DDX60: variants seen among roughly 807,000 people sequenced by gnomAD.
DDX60 encodes DExD/H-box helicase 60.
DDX60 carries 165 observed loss-of-function variants against 212.8 expected under a neutral mutation model. The observed-to-expected ratio is 0.78, with a 90% CI of 0.68 to 0.88. DDX60 has a LOEUF of 0.88. DDX60 is among the 40% of genes least tolerant of loss of function. DDX60 has a pLI of 0.00. For synonymous variants in DDX60, 703 were observed against 685.3 expected (o/e 1.03, Z -0.40); for missense variants, 1,905 against 2,003.9 (o/e 0.95, Z 0.94).
At chr4:168,306,894 A>G (rs1213563780) in intron 4 of DDX60, among the ~76,000 whole-genome samples, 174 bp from the exon 5 acceptor site, 1 of 152,244 alleles carries the variant, frequency 6.6e-6, no homozygotes, top group Non-Finnish European at 1.5e-5. Context: ...TTGCTGAAAA[A>G]AATCACAGTT....
chr4:168,312,950 C>T (rs1013121839), intron 1 of DDX60, among the ~76,000 whole-genome samples: 1 of 152,178 alleles, frequency 6.6e-6, no homozygotes, highest in Non-Finnish European at 1.5e-5. Context: ...TGGTCTCTCA[C>T]TCACTCAGTT....
chr4:168,280,199 A>T, intron 14 of DDX60, 136 bp downstream of exon 14: 1 of 1,151,112 alleles, frequency 8.7e-7, no homozygotes, highest in South Asian at 1.6e-5. Flanking sequence ...AAACTATTGT[A>T]AAGGTAATAA....
chr4:168,270,842 T>TTAA (rs1276484120), intron 19 of DDX60, among the ~76,000 whole-genome samples: 2 of 151,730 alleles, frequency 1.3e-5, no homozygotes, highest in African/African-American at 4.8e-5. Flanking sequence ...TAAATCTCTT[T>TTAA]TAATAAATAT....
intron 30 of DDX60, among the ~76,000 whole-genome samples, chr4:168,244,443 G>A (rs1469933724): frequency 6.6e-6 from 1 of 152,008 alleles, no homozygotes; most frequent in African/African-American, 2.4e-5. Context: ...AAGAATTTCA[G>A]GGGCCAGGTG....
chr4:168,320,728 C>G (rs1737586151), upstream of DDX60, among the ~76,000 whole-genome samples: 1 of 152,166 alleles, frequency 6.6e-6, no homozygotes, highest in African/African-American at 2.4e-5. Flanking sequence ...ATTCAGACAG[C>G]TACTATGTGC....
Position 168,283,504 on chromosome 4 carries a change from A to C in DDX60, c.1664T>G (p.Val555Gly), listed in dbSNP as rs775189378. The C allele has an allele frequency of 6.2e-7, 1 of 1,613,660 alleles. No individual in the cohort carries two copies. The highest frequency in any genetic ancestry group is 1.1e-5 in the South Asian group (1 of 91,064). The part of the protein sequence containing the change: ...SLETVSSKII[V>G]TQTIKSKKDF... ...CTTCTTTGACTTAATAGTTTGAGTC[A>C]CGATGATTTTCGAAGAGACTGTTTC... Residue 555 changes from valine (V) to glycine (G), a missense_variant, in exon 13 of 38, where the codon GTG becomes GGG. By Grantham distance (109) the Val-to-Gly change is moderately radical. Coordinates refer to ENST00000393743, the MANE Select transcript of DDX60 (RefSeq NM_017631.6).
At chr4:168,257,792 T>G (rs931552943) in intron 25 of DDX60, among the ~76,000 whole-genome samples, 1 of 152,154 alleles carries the variant, frequency 6.6e-6, no homozygotes, top group African/African-American at 2.4e-5. Context: ...TAACCCAAGA[T>G]GCACAGCTAT....
upstream of DDX60, among the ~76,000 whole-genome samples, chr4:168,320,770 A>C (rs758810026): frequency 3.9e-5 from 6 of 152,258 alleles, no homozygotes; most frequent in Non-Finnish European, 4.4e-5. Context: ...ATCAATGATC[A>C]CAGCAAGTTC....
intron 25 of DDX60, among the ~76,000 whole-genome samples, chr4:168,259,643 A>G (rs546593475): frequency 6.6e-6 from 1 of 151,076 alleles, no homozygotes; most frequent in South Asian, 2.1e-4. Flanking sequence ...GCCCAAAGTA[A>G]ATAGAGTATT....
At chr4:168,253,038 C>T (rs1338861018) in intron 26 of DDX60, among the ~76,000 whole-genome samples, 2 of 152,080 alleles carry the variant, frequency 1.3e-5, no homozygotes, top group African/African-American at 2.4e-5. Flanking sequence ...CTCCTGACCT[C>T]GTGGTCCACC....
At position 168,280,335 on chromosome 4, in the gene DDX60, C is replaced by A; in HGVS notation, c.1978G>T (p.Gly660Cys). 1 of 1,607,808 alleles carries A rather than the reference C, an allele frequency of 6.2e-7. No homozygotes were observed. Among genetic ancestry groups the A allele is most frequent in the Non-Finnish European group, 8.5e-7 (1 of 1,177,136 alleles). ...GAAATAACAAAACAGAATTACATAC[C>A]TTCTTCACTTCGGCAATGTTCTTTC... is the stretch of plus-strand genomic sequence containing the variant. ...AWKEHCRSEE[G>C]KTTKDLSIAV... The change falls in exon 14 of 38, where the codon GGT (glycine) becomes TGT (cysteine). Residue 660 changes from glycine to cysteine, a missense_variant and splice_region_variant. Physicochemically the swap from Gly to Cys is radical, Grantham distance 159. Coordinates refer to ENST00000393743, the MANE Select transcript of DDX60 (RefSeq NM_017631.6).
intron 23 of DDX60, 101 bp from the exon 24 acceptor site, chr4:168,262,229 C>G: frequency 3.0e-6 from 4 of 1,322,614 alleles, no homozygotes; most frequent in Non-Finnish European, 4.0e-6. Context: ...GTTTCTTGAG[C>G]ACAGAGATGG....
chr4:168,308,135 T>A lies in DDX60; in HGVS notation c.135A>T (p.Ser45=). 6.2e-7 allele frequency: 1 copy of A among 1,603,230 alleles called. No individual in the cohort carries two copies. The highest frequency in any genetic ancestry group is 8.5e-7 in the Non-Finnish European group (1 of 1,173,656). ...TCTCACAGATACATGTGATAAGTAA[T>A]GAATCCCCATCAATCAAAAAAAATT... ...ESEFFLIDGD[S]LLITCICEIS... Residue 45 remains serine (S), a synonymous_variant, in exon 4 of 38, where the codon TCA becomes TCT. Transcript: ENST00000393743.
At chr4:168,283,674 A>G in intron 12 of DDX60, 68 bp from the exon 13 acceptor site, 2 of 1,163,812 alleles carry the variant, frequency 1.7e-6, no homozygotes, top group Non-Finnish European at 2.4e-6. Flanking sequence ...TCAATTCTTC[A>G]TATTATTCCA....
chr4:168,291,680 A>G (rs1298349820), intron 8 of DDX60, 68 bp downstream of exon 8: 2 of 1,413,720 alleles, frequency 1.4e-6, no homozygotes, highest in African/African-American at 2.9e-5. Context: ...GAGAATTTTG[A>G]AAGTTATTGT....
Position 168,291,748 on chromosome 4 carries a change from C to T in DDX60, c.1041G>A (p.Met347Ile). ...WAEDMKPLLQ[M>I]KKWCEYFILR... is the part of the protein sequence containing the mutation. ...GTAAACTAATAAAGAGTACATTTAC[C>T]ATTTGTAATAAAGGCTTCATGTCCT... The change falls in exon 8 of 38, where the codon ATG becomes ATA. Residue 347 changes from methionine (M) to isoleucine (I), a missense_variant and splice_region_variant. Coordinates refer to ENST00000393743, the MANE Select transcript of DDX60 (RefSeq NM_017631.6). 1 of 1,573,480 alleles carries T rather than the reference C, an allele frequency of 6.4e-7. No homozygotes were observed. The highest frequency in any genetic ancestry group is 8.6e-7 in the Non-Finnish European group (1 of 1,165,838).
chr4:168,300,143 G>A (rs1363452591), intron 6 of DDX60, among the ~76,000 whole-genome samples: 1 of 125,810 alleles, frequency 7.9e-6, no homozygotes, highest in African/African-American at 3.5e-5. Flanking sequence ...TCAATACAGG[G>A]AAAATCATTA....
At chr4:168,310,815 T>C (rs1737096477) in intron 3 of DDX60, among the ~76,000 whole-genome samples, 183 bp downstream of exon 3, 1 of 152,166 alleles carries the variant, frequency 6.6e-6, no homozygotes, top group South Asian at 2.1e-4. Context: ...AAAAAATATA[T>C]AAAAATTAAT....
At chr4:168,302,929 T>C (rs1344681532) in intron 5 of DDX60, among the ~76,000 whole-genome samples, 3 of 152,092 alleles carry the variant, frequency 2.0e-5, no homozygotes, top group African/African-American at 7.2e-5. Context: ...ATCCTCAAAT[T>C]GACTAATAAC....
Sources: gnomAD v4.1 joint callset for allele counts (sites outside exome capture counted in the v4.1 genomes callset) on GRCh38, gnomAD v4.1.1 for gene constraint, MANE v1.5 for transcripts, NCBI Gene and HGNC (gene_info 2026-07-23, HGNC 2026-07-21) for gene names.